The following FAM81A variants were observed in gnomAD, a reference collection of about 807,000 sequenced individuals.
FAM81A encodes the protein protein FAM81A.
Under a neutral mutation model 46.7 loss-of-function variants are expected in FAM81A, and 19 were observed. The ratio of observed to expected loss-of-function variants is 0.41; its 90% CI spans 0.28 to 0.60. The LOEUF (loss-of-function observed/expected upper bound fraction) is 0.60, where lower values mean the gene tolerates loss of function less well. Ranked by LOEUF, FAM81A falls within the 20% of genes least tolerant of loss-of-function variation. The pLI is 0.34. For synonymous variants in FAM81A, 183 were observed against 152.9 expected (o/e 1.20, Z -1.45); for missense variants, 377 against 453.5 (o/e 0.83, Z 1.53).
intron 2 of FAM81A, among the ~76,000 whole-genome samples, chr15:59,403,076 T>C (rs2081079142): frequency 7.5e-6 from 1 of 132,676 alleles, no homozygotes; most frequent in East Asian, 2.1e-4. Flanking sequence ...GGTCTATAAT[T>C]TCTCTGCCTG....
chr15:59,453,020 C>G (rs1192081873), intron 1 of FAM81A, among the ~76,000 whole-genome samples: 4 of 152,188 alleles, frequency 2.6e-5, no homozygotes. Context: ...GCCTCGGCCT[C>G]CCAAAGTGCT....
chr15:59,428,255 A>G (rs1452754964), intron 2 of FAM81A, among the ~76,000 whole-genome samples: 1 of 152,072 alleles, frequency 6.6e-6, no homozygotes, highest in African/African-American at 2.4e-5. Context: ...GGATTATTAG[A>G]TATTTTTCCT....
At chr15:59,466,202 A>G (rs141685230) in intron 3 of FAM81A, among the ~76,000 whole-genome samples, 1,769 of 152,304 alleles carry the variant, frequency 0.012, 31 homozygotes, top group African/African-American at 0.041. Flanking sequence ...ATGATTTGCA[A>G]TCCTTTGGGT....
intron 1 of FAM81A, among the ~76,000 whole-genome samples, chr15:59,442,425 T>C (rs368845677): frequency 1.2e-4 from 18 of 151,932 alleles, no homozygotes; most frequent in East Asian, 5.8e-4. Context: ...CCAGCCTGGC[T>C]AACATATAGT....
At chr15:59,451,396 T>A (rs2081416738) in intron 1 of FAM81A, among the ~76,000 whole-genome samples, 1 of 152,064 alleles carries the variant, frequency 6.6e-6, no homozygotes. Flanking sequence ...TGCATCCCCC[T>A]CTATTATAGA....
At chr15:59,472,133 C>G (rs1443153142) in intron 3 of FAM81A, among the ~76,000 whole-genome samples, 1 of 152,038 alleles carries the variant, frequency 6.6e-6, no homozygotes, top group Non-Finnish European at 1.5e-5. Flanking sequence ...GGTTGGGGCC[C>G]ATAACTCAGG....
At chr15:59,477,277 C>G (rs2081784353) in intron 3 of FAM81A, among the ~76,000 whole-genome samples, 1 of 152,052 alleles carries the variant, frequency 6.6e-6, no homozygotes, top group Non-Finnish European at 1.5e-5. Context: ...TGAAGAATAT[C>G]TTCTGTAAAT....
intron 3 of FAM81A, among the ~76,000 whole-genome samples, chr15:59,480,343 C>T (rs933976314): frequency 6.6e-6 from 1 of 152,136 alleles, no homozygotes; most frequent in Non-Finnish European, 1.5e-5. Context: ...CTGTTTCTTT[C>T]CTGGTTCCTG....
Position 59,460,403 on chromosome 15 carries a change from AAC to A in FAM81A, c.294+199_294+200del. On this transcript the variant is annotated intron_variant, in intron 3 of 8. Coordinates refer to ENST00000288228, the MANE Select transcript of FAM81A (RefSeq NM_152450.3). This position sits in a 1 kb window ranked among gnomAD's most constrained non-coding sequence, Gnocchi z 4.4. ...AATTAAATTTATTCCAGTGTTTGATAACAGTTACTGTTAGTGTTATGTTTAAT... is the reference window on the plus strand; with the variant it reads ...AATTAAATTTATTCCAGTGTTTGATAAGTTACTGTTAGTGTTATGTTTAAT... 3 of 746,932 alleles carry A rather than the reference AAC, an allele frequency of 4.0e-6. No individual in the cohort carries two copies. The highest frequency in any genetic ancestry group is 2.0e-5 in the Admixed American group (1 of 49,814). 46.3% of individuals were successfully genotyped at this position (746,932 alleles called of 1,614,324 possible). A position where few individuals can be genotyped will look rare whatever the true frequency, so the allele number is the denominator to read the frequency against.
At chr15:59,494,483 A>G (rs964616718) in intron 4 of FAM81A, among the ~76,000 whole-genome samples, 12 of 152,358 alleles carry the variant, frequency 7.9e-5, no homozygotes, top group Admixed American at 6.5e-4. Context: ...AATACAAAGT[A>G]GAAAAATTAT....
chr15:59,498,791 A>G (rs2082060566), intron 4 of FAM81A, among the ~76,000 whole-genome samples: 1 of 152,062 alleles, frequency 6.6e-6, no homozygotes, highest in Non-Finnish European at 1.5e-5. Flanking sequence ...AGTAGCCGGG[A>G]TTACAGGTGC....
At chr15:59,421,341 G>T (rs1417434199) in intron 2 of FAM81A, among the ~76,000 whole-genome samples, 1 of 152,136 alleles carries the variant, frequency 6.6e-6, no homozygotes, top group Non-Finnish European at 1.5e-5. Context: ...GGTCAGAAAG[G>T]TCCTTAAGTC....
upstream of FAM81A, among the ~76,000 whole-genome samples, chr15:59,436,995 C>T (rs2081247638): frequency 6.6e-6 from 1 of 152,210 alleles, no homozygotes; most frequent in South Asian, 2.1e-4. Flanking sequence ...TAGCACTTGG[C>T]AGCCATCCAA....
intron 1 of FAM81A, chr15:59,438,542 G>C (rs1596470509): frequency 6.6e-6 from 1 of 152,354 alleles, no homozygotes; most frequent in Non-Finnish European, 1.5e-5. Flanking sequence ...GACGCCCGGA[G>C]GGACTGTTTG....
At chr15:59,500,148 C>T (rs781311397) in intron 4 of FAM81A, among the ~76,000 whole-genome samples, 4 of 151,442 alleles carry the variant, frequency 2.6e-5, no homozygotes, top group Non-Finnish European at 2.9e-5. Context: ...CCACCATGCC[C>T]GGCCATGATG....
chr15:59,502,639 G>A (rs1278402587), intron 4 of FAM81A, among the ~76,000 whole-genome samples: 6 of 151,724 alleles, frequency 4.0e-5, no homozygotes, highest in Non-Finnish European at 7.4e-5. Flanking sequence ...TCAGCCTCCC[G>A]AGTAGCTGGG....
At position 59,522,238 on chromosome 15, in the gene FAM81A, A is replaced by G. The variant is rs1450616939; in HGVS notation, c.*860A>G. ...TTTATGATCTGTTTCCAAAATTGGC[A>G]CAAAGTGCTAGGGTTTATATACACT... On this transcript the variant is annotated 3_prime_UTR_variant, in exon 9 of 9. Transcript: ENST00000288228. The G allele has an allele frequency of 7.2e-5, 11 of 152,650 alleles. No individual in the cohort carries two copies. Among genetic ancestry groups the G allele is most frequent in the Admixed American group, 4.6e-4 (7 of 15,284 alleles). 9.5% of individuals were successfully genotyped at this position (152,650 alleles called of 1,614,324 possible). A position where few individuals can be genotyped will look rare whatever the true frequency, so the allele number is the denominator to read the frequency against.
intron 3 of FAM81A, among the ~76,000 whole-genome samples, chr15:59,489,327 A>G (rs2081958449): frequency 6.6e-6 from 1 of 152,058 alleles, no homozygotes; most frequent in Non-Finnish European, 1.5e-5. Flanking sequence ...ACATACATAC[A>G]TACATACCTG....
At chr15:59,417,381 AAAACAAAC>A (rs150728195) in intron 2 of FAM81A, among the ~76,000 whole-genome samples, 48 of 151,290 alleles carry the variant, frequency 3.2e-4, no homozygotes, top group Admixed American at 9.2e-4. Flanking sequence ...TAGCTATTTA[AAAACAAAC>A]AAACAAACAA....
Sources: allele counts gnomAD v4.1 joint callset (sites outside exome capture counted in the v4.1 genomes callset), GRCh38; gene constraint gnomAD v4.1.1; non-coding constraint Gnocchi (gnomAD v3.1); transcripts MANE v1.5; gene names NCBI Gene and HGNC (gene_info 2026-07-23, HGNC 2026-07-21).